The following BRI3BP variants were observed in gnomAD, a reference collection of about 807,000 sequenced individuals.
BRI3BP encodes the protein BRI3 binding protein.
Under a neutral mutation model 15.8 loss-of-function variants are expected in BRI3BP, and 7 were observed. That is an observed-to-expected ratio of 0.44 (90% CI 0.25 to 0.83). The LOEUF is 0.83. BRI3BP is among the 40% of genes least tolerant of loss of function. The pLI, the probability that BRI3BP is intolerant of heterozygous loss-of-function variation, is 0.20. For synonymous variants in BRI3BP, 192 were observed against 163.5 expected, an observed-to-expected ratio of 1.17 and a Z score of -1.33; for missense variants, 320 against 339.3, an observed-to-expected ratio of 0.94 and a Z score of 0.45.
At chr12:125,031,658 C>T (rs1361767153), downstream of BRI3BP, among the ~76,000 whole-genome samples, 2 of 138,914 alleles carry the variant, frequency 1.4e-5, no homozygotes, top group African/African-American at 5.7e-5. Context: ...CTCACTGCTG[C>T]CTCCATCTCC....
downstream of BRI3BP, among the ~76,000 whole-genome samples, chr12:125,032,806 A>G (rs1190781413): frequency 6.6e-6 from 1 of 152,226 alleles, no homozygotes; most frequent in Non-Finnish European, 1.5e-5. Flanking sequence ...ATGCATTGAA[A>G]GCAACATTCG....
At chr12:125,038,477 TAA>T in the BRI3BP span, among the ~76,000 whole-genome samples, 1 of 151,570 alleles carries the variant, frequency 6.6e-6, no homozygotes, top group South Asian at 2.1e-4. Context: ...GAATTAAAAA[TAA>T]AATCTGCCGG....
intron 2 of BRI3BP, among the ~76,000 whole-genome samples, chr12:125,019,128 G>A (rs776469870): frequency 2.6e-5 from 4 of 152,144 alleles, no homozygotes; most frequent in Admixed American, 6.5e-5. Flanking sequence ...AAAGTGTTGG[G>A]ATTACAGACA....
chr12:125,017,325 G>GTTTT (rs57946757), intron 2 of BRI3BP, among the ~76,000 whole-genome samples: 1 of 138,710 alleles, frequency 7.2e-6, no homozygotes. Flanking sequence ...CCCCCCTAAT[G>GTTTT]TTTTTTTTTT....
the BRI3BP span, among the ~76,000 whole-genome samples, chr12:125,047,303 C>G: frequency 4.6e-5 from 7 of 151,898 alleles, no homozygotes; most frequent in Non-Finnish European, 7.4e-5. Context: ...AGCCCGCCAC[C>G]ACGCCCGGCT....
chr12:125,019,642 T>TTTTTTTTTTTTC (rs1955277256), intron 2 of BRI3BP, among the ~76,000 whole-genome samples: 2 of 30,792 alleles, frequency 6.5e-5, no homozygotes, highest in African/African-American at 1.3e-4. Context: ...ACCCTTTTTT[T>TTTTTTTTTTTTC]TTTTTTTTTT....
chr12:125,044,891 GC>G, the BRI3BP span, among the ~76,000 whole-genome samples: 16 of 152,254 alleles, frequency 1.1e-4, no homozygotes, highest in South Asian at 3.3e-3. Context: ...ACAGGTGTGA[GC>G]CACACTGCAC....
chr12:125,031,522 C>A (rs10846811), downstream of BRI3BP, among the ~76,000 whole-genome samples: 1 of 151,506 alleles, frequency 6.6e-6, no homozygotes, highest in African/African-American at 2.4e-5. Context: ...CTCTCCACCC[C>A]ACCCCGCATA....
chr12:124,999,584 C>G (rs1356738856), intron 1 of BRI3BP, among the ~76,000 whole-genome samples: 1 of 150,800 alleles, frequency 6.6e-6, no homozygotes, highest in Non-Finnish European at 1.5e-5. Context: ...CCGCCATGCC[C>G]TGCTAAGTTT....
Position 125,024,890 on chromosome 12 carries a change from C to A in BRI3BP, c.317-101C>A, listed in dbSNP as rs7303468. 4 of 1,029,758 alleles carry A rather than the reference C, an allele frequency of 3.9e-6. No individual in the cohort carries two copies. In the South Asian group the frequency reaches 4.9e-5, roughly 13 times the overall value. 63.8% of individuals were successfully genotyped at this position (1,029,758 alleles called of 1,614,324 possible). A position where few individuals can be genotyped will look rare whatever the true frequency, so the allele number is the denominator to read the frequency against. The stretch of plus-strand genomic sequence containing the variant: ...TGAGTTCCTTTGGTTGTTGCAAAGG[C>A]CTTTTAAGCCCCACAGGCCAGCTCA... On this transcript the variant is annotated intron_variant, in intron 2 of 2. Coordinates refer to ENST00000341446, the MANE Select transcript of BRI3BP (RefSeq NM_080626.6).
the BRI3BP span, among the ~76,000 whole-genome samples, chr12:125,037,215 C>T: frequency 1.1e-4 from 16 of 152,070 alleles, no homozygotes; most frequent in South Asian, 6.2e-4. Flanking sequence ...ACGTGCCACA[C>T]GTCTAGCTAA....
Position 125,027,997 on chromosome 12 carries a change from C to T in BRI3BP, c.*2567C>T, listed in dbSNP as rs571009854. 2 of 152,330 alleles carry T rather than the reference C, an allele frequency of 1.3e-5. No homozygotes were observed. The highest frequency in any genetic ancestry group is 3.9e-4 in the East Asian group (2 of 5,168). 9.4% of individuals were successfully genotyped at this position (152,330 alleles called of 1,614,324 possible). On this transcript the variant is annotated 3_prime_UTR_variant, in exon 3 of 3. Coordinates refer to ENST00000341446, the MANE Select transcript of BRI3BP (RefSeq NM_080626.6). ...CCACCGCGCTGGGCCTAGATCAAAT[C>T]TTTATCCATGCACATTGGAACACAG...
downstream of BRI3BP, among the ~76,000 whole-genome samples, chr12:125,031,702 T>C (rs1018985814): frequency 6.6e-6 from 1 of 151,424 alleles, no homozygotes. Flanking sequence ...CCAATTTTTG[T>C]ATTTTTAGTA....
chr12:125,008,971 C>T (rs973296132), intron 1 of BRI3BP, among the ~76,000 whole-genome samples: 1 of 148,726 alleles, frequency 6.7e-6, no homozygotes, highest in East Asian at 2.0e-4. Context: ...GTTCACACTC[C>T]TATGAAAATT....
At chr12:125,033,219 T>C (rs1253977262), downstream of BRI3BP, among the ~76,000 whole-genome samples, 1 of 152,116 alleles carries the variant, frequency 6.6e-6, no homozygotes, top group African/African-American at 2.4e-5. Context: ...AGCTGCCTAC[T>C]TTATCTTGTG....
rs1955372179 is a variant in BRI3BP at position 125,028,013 on chromosome 12, T to A, written c.*2583T>A. On this transcript the variant is annotated 3_prime_UTR_variant, in exon 3 of 3. Coordinates refer to ENST00000341446, the MANE Select transcript of BRI3BP (RefSeq NM_080626.6). Reference sequence around the variant, plus strand: ...AGATCAAATCTTTATCCATGCACATTGGAACACAGGATTACTGGGTTGAAA... The same window carrying A: ...AGATCAAATCTTTATCCATGCACATAGGAACACAGGATTACTGGGTTGAAA... 6.6e-6 allele frequency: 1 copy of A among 152,224 alleles called. No homozygotes were observed. The highest frequency in any genetic ancestry group is 1.5e-5 in the Non-Finnish European group (1 of 68,036). The allele number at this position is 152,224 out of a possible 1,614,324, so 9.4% of individuals were successfully genotyped here.
At chr12:125,021,682 G>A (rs1156945263) in intron 2 of BRI3BP, among the ~76,000 whole-genome samples, 2 of 152,212 alleles carry the variant, frequency 1.3e-5, no homozygotes, top group Non-Finnish European at 2.9e-5. Context: ...GGGGAAGCAA[G>A]GCACGTCTTA....
At chr12:125,011,189 T>C (rs956190700) in intron 1 of BRI3BP, among the ~76,000 whole-genome samples, 3 of 151,710 alleles carry the variant, frequency 2.0e-5, no homozygotes, top group African/African-American at 7.3e-5. Flanking sequence ...GGTTCTATTA[T>C]GGCAGCACTC....
intron 2 of BRI3BP, among the ~76,000 whole-genome samples, chr12:125,020,685 G>A (rs1318724420): frequency 2.0e-5 from 3 of 152,172 alleles, no homozygotes; most frequent in Non-Finnish European, 4.4e-5. Flanking sequence ...AGGAGTTTGA[G>A]ACCATCCTTG....
Sources: allele counts gnomAD v4.1 joint callset (sites outside exome capture counted in the v4.1 genomes callset), GRCh38; gene constraint gnomAD v4.1.1; transcripts MANE v1.5; gene names NCBI Gene and HGNC (gene_info 2026-07-23, HGNC 2026-07-21).